Variants in SLC2A9 observed in about 807,000 individuals in gnomAD.
SLC2A9 encodes solute carrier family 2, facilitated glucose transporter member 9.
Under a neutral mutation model 50.6 loss-of-function variants are expected in SLC2A9, and 39 were observed. That is an observed-to-expected ratio of 0.77 (90% CI 0.60 to 1.01). The LOEUF (loss-of-function observed/expected upper bound fraction) is 1.01, where lower values mean the gene tolerates loss of function less well. Among genes scored for constraint, SLC2A9 ranks in the 50% least tolerant of loss-of-function variants. The pLI is 0.00. For missense variants in SLC2A9, 686 were observed against 677.6 expected, an observed-to-expected ratio of 1.01 and a Z score of -0.14; for synonymous variants, 324 against 276.9, an observed-to-expected ratio of 1.17 and a Z score of -1.69.
At chr4:9,777,337 G>A (rs113699704), downstream of SLC2A9, among the ~76,000 whole-genome samples, 1 of 149,216 alleles carries the variant, frequency 6.7e-6, no homozygotes, top group Non-Finnish European at 1.5e-5. Flanking sequence ...CTCTGTTACC[G>A]AGGCTGGAGT....
downstream of SLC2A9, among the ~76,000 whole-genome samples, chr4:9,795,696 A>C (rs1720510125): frequency 6.6e-6 from 1 of 152,222 alleles, no homozygotes; most frequent in Admixed American, 6.5e-5. Context: ...TGCTGATCAA[A>C]AAGTCAACAG....
chr4:9,771,672 G>A (rs10939515), intron 1 of SLC2A9, among the ~76,000 whole-genome samples: 29,660 of 152,228 alleles, frequency 0.19, 3,116 homozygotes, highest in East Asian at 0.32. Flanking sequence ...AGTCAGCACC[G>A]AGCGAACAGA....
chr4:9,833,077 A>G (rs1726439370), intron 11 of SLC2A9, among the ~76,000 whole-genome samples: 1 of 152,260 alleles, frequency 6.6e-6, no homozygotes, highest in Non-Finnish European at 1.5e-5. Context: ...TTTTGCCACA[A>G]TAATGAGGAT....
intron 6 of SLC2A9, among the ~76,000 whole-genome samples, chr4:9,938,902 A>C (rs907493174): frequency 6.6e-6 from 1 of 152,150 alleles, no homozygotes. Flanking sequence ...CCCTGCCACT[A>C]TGAACTGGGG....
At chr4:9,995,632 GTGA>G (rs1203567250) in intron 3 of SLC2A9, 1 of 152,192 alleles carries the variant, frequency 6.6e-6, no homozygotes, top group Non-Finnish European at 1.5e-5. Flanking sequence ...TTACTAGGTA[GTGA>G]TGTCAAGGTG....
At position 9,950,892 on chromosome 4, in the gene SLC2A9, CAAAAAAAA is replaced by C. The variant is rs764863059; in HGVS notation, c.682-8855_682-8848del. Among the ~76,000 whole-genome samples the C allele has an allele frequency of 1.4e-3, 16 of 11,554 alleles. 2 individuals carry two copies. In the South Asian group the frequency reaches 0.036, roughly 26 times the overall value. 7.6% of individuals were successfully genotyped at this position (11,554 alleles called of 152,430 possible). On this transcript the variant is annotated intron_variant, in intron 5 of 11. Transcript: ENST00000264784. Reference sequence around the variant, plus strand: ...TGGGCGACAGAGCGAGACTCCGTCTCAAAAAAAAAAAAAAAAAAAAAAAAAAAGAAAAC... The same window carrying C: ...TGGGCGACAGAGCGAGACTCCGTCTCAAAAAAAAAAAAAAAAAAAGAAAAC...
chr4:9,991,769 A>G (rs1757754038), intron 3 of SLC2A9, among the ~76,000 whole-genome samples: 4 of 152,232 alleles, frequency 2.6e-5, no homozygotes, highest in Admixed American at 2.6e-4. Context: ...ACAGCGAGAA[A>G]GCAGCCATCT....
intron 3 of SLC2A9, among the ~76,000 whole-genome samples, chr4:9,781,435 C>A (rs921453827): frequency 6.6e-6 from 1 of 152,006 alleles, no homozygotes; most frequent in Non-Finnish European, 1.5e-5. Context: ...TCGGTTTTCC[C>A]GGGGAGAATT....
At chr4:9,894,206 TA>T (rs1351019945) in intron 8 of SLC2A9, among the ~76,000 whole-genome samples, 3 of 152,214 alleles carry the variant, frequency 2.0e-5, no homozygotes, top group Non-Finnish European at 2.9e-5. Context: ...AACAATTAGT[TA>T]AATAAATGCT....
intron 1 of SLC2A9, among the ~76,000 whole-genome samples, chr4:10,030,615 A>G (rs1379941149): frequency 6.6e-6 from 1 of 152,152 alleles, no homozygotes; most frequent in East Asian, 1.9e-4. Context: ...TACCTTCCTC[A>G]TAATTTTTCT....
intron 6 of SLC2A9, among the ~76,000 whole-genome samples, chr4:9,933,925 C>T (rs541501903): frequency 6.6e-6 from 1 of 152,332 alleles, no homozygotes; most frequent in Non-Finnish European, 1.5e-5. Context: ...GGTTCTCTCT[C>T]TCTTTGCCTC....
At chr4:10,017,506 G>T (rs1202899498) in intron 2 of SLC2A9, among the ~76,000 whole-genome samples, 1 of 152,236 alleles carries the variant, frequency 6.6e-6, no homozygotes, top group Non-Finnish European at 1.5e-5. Context: ...TTTAGCAACA[G>T]AAATGAACAA....
downstream of SLC2A9, among the ~76,000 whole-genome samples, chr4:9,823,378 G>C (rs62295669): frequency 0.1 from 15,162 of 152,122 alleles, 823 homozygotes; most frequent in Non-Finnish European, 0.11. Context: ...TCATGAAAAT[G>C]TCTGTCTCTC....
Position 9,908,089 on chromosome 4 carries a change from G to A in SLC2A9, c.1113+146C>T. Reference sequence around the variant, plus strand: ...ATCCCAGCTATTTCTTTAAAACCAAGAGTTTGCTGAATGATAGGAAACCAC... The same window carrying A: ...ATCCCAGCTATTTCTTTAAAACCAAAAGTTTGCTGAATGATAGGAAACCAC... On this transcript the variant is annotated intron_variant, in intron 8 of 11. Coordinates refer to ENST00000264784, the MANE Select transcript of SLC2A9 (RefSeq NM_020041.3). 3 of 698,382 alleles carry A rather than the reference G, an allele frequency of 4.3e-6. No individual in the cohort carries two copies. The South Asian group carries it at 4.7e-5, about 11-fold the overall frequency. 43.3% of individuals were successfully genotyped at this position (698,382 alleles called of 1,614,324 possible).
intron 10 of SLC2A9, among the ~76,000 whole-genome samples, chr4:9,881,361 T>C (rs1735179250): frequency 6.6e-6 from 1 of 152,188 alleles, no homozygotes; most frequent in South Asian, 2.1e-4. Context: ...GCACCACTGC[T>C]GTGGCTCTGA....
intron 10 of SLC2A9, chr4:9,879,504 A>T (rs1412728716): frequency 1.0e-6 from 1 of 985,170 alleles, no homozygotes; most frequent in African/African-American, 1.7e-5. Flanking sequence ...GGCAGAGACG[A>T]CCACATAGGT....
At chr4:9,816,675 T>C (rs1328982182) in intron 3 of SLC2A9, among the ~76,000 whole-genome samples, 2 of 152,200 alleles carry the variant, frequency 1.3e-5, no homozygotes, top group Non-Finnish European at 2.9e-5. Flanking sequence ...ATTTCAGATA[T>C]ACGAGTTCTA....
At chr4:10,036,943 C>G (rs1372958457) in intron 1 of SLC2A9, among the ~76,000 whole-genome samples, 2 of 151,008 alleles carry the variant, frequency 1.3e-5, no homozygotes, top group Non-Finnish European at 2.9e-5. Flanking sequence ...TGCTAAGGAG[C>G]AAGCGGGGCC....
intron 3 of SLC2A9, among the ~76,000 whole-genome samples, chr4:9,989,954 T>A (rs62296001): frequency 6.6e-6 from 1 of 152,048 alleles, no homozygotes; most frequent in South Asian, 2.1e-4. Context: ...CAAGTCACCA[T>A]TTTAGAGAAT....
Sources: gnomAD v4.1 joint callset for allele counts (sites outside exome capture counted in the v4.1 genomes callset) on GRCh38, gnomAD v4.1.1 for gene constraint, MANE v1.5 for transcripts, NCBI Gene and HGNC (gene_info 2026-07-23, HGNC 2026-07-21) for gene names.